DMD: variants seen among roughly 807,000 people sequenced by gnomAD.
DMD encodes the protein mutant dystrophin.
DMD carries 63 observed loss-of-function variants against 330.1 expected under a neutral mutation model. The observed-to-expected ratio is 0.19, with a 90% confidence interval of 0.16 to 0.24. The LOEUF is 0.24. DMD is among the 10% of genes least tolerant of loss of function. DMD has a pLI of 1.00. For synonymous variants in DMD, 1,223 were observed against 959.8 expected (o/e 1.27, Z -5.07); for missense variants, 3,344 against 2,684.1 (o/e 1.25, Z -5.43).
chrX:32,844,976 G>A (rs2080528139), intron 3 of DMD, 116 bp from the exon 4 acceptor site: 1 of 612,482 alleles, frequency 1.6e-6, no homozygotes, highest in Non-Finnish European at 2.7e-6. Flanking sequence ...AACAGAGCCT[G>A]TGAGGCATTA....
At chrX:32,704,383 G>T (rs1055798897) in intron 7 of DMD, among the ~76,000 whole-genome samples, 1 of 97,365 alleles carries the variant, frequency 1.0e-5, no homozygotes, top group South Asian at 3.7e-4. Flanking sequence ...AACTAATCTT[G>T]GGCAGTCAAC....
At chrX:31,633,353 C>T (rs779020328) in intron 54 of DMD, among the ~76,000 whole-genome samples, 13 of 111,739 alleles carry the variant, frequency 1.2e-4, no homozygotes, top group African/African-American at 4.2e-4. Context: ...GCTTTACACT[C>T]GATACAGATT....
intron 44 of DMD, among the ~76,000 whole-genome samples, chrX:32,103,813 T>C (rs188141901): frequency 1.2e-4 from 14 of 112,094 alleles, no homozygotes; most frequent in Admixed American, 1.2e-3. Context: ...ATTGATCTGG[T>C]TGCATCAGTT....
intron 57 of DMD, among the ~76,000 whole-genome samples, chrX:31,494,125 C>A (rs2069592120): frequency 9.9e-6 from 1 of 101,148 alleles, no homozygotes. Flanking sequence ...CATTGCAACT[C>A]CAGCCTGGTG....
At chrX:31,930,655 C>T (rs955615997) in intron 46 of DMD, among the ~76,000 whole-genome samples, 8 of 111,883 alleles carry the variant, frequency 7.2e-5, no homozygotes, top group Admixed American at 1.9e-4. Context: ...AATAGCTAGT[C>T]GTTACAAAAA....
chrX:31,198,786 T>C (rs2043158681), intron 67 of DMD, among the ~76,000 whole-genome samples: 1 of 112,080 alleles, frequency 8.9e-6, no homozygotes, highest in Non-Finnish European at 1.9e-5. Context: ...CTTCAGCACA[T>C]GACTGTATAG....
chrX:32,504,508 T>A (rs2044413173), intron 18 of DMD, among the ~76,000 whole-genome samples: 1 of 109,281 alleles, frequency 9.2e-6, no homozygotes, highest in Non-Finnish European at 1.9e-5. Context: ...GCACCTATAA[T>A]CCCAGCTACT....
intron 3 of DMD, among the ~76,000 whole-genome samples, chrX:32,845,782 T>TA (rs1223924419): frequency 8.9e-6 from 1 of 112,355 alleles, no homozygotes; most frequent in African/African-American, 3.2e-5. Context: ...CTGGCCTACA[T>TA]AAAAAATTTA....
chrX:32,837,404 G>A (rs2148936302), intron 4 of DMD, among the ~76,000 whole-genome samples: 1 of 111,485 alleles, frequency 9.0e-6, no homozygotes, highest in East Asian at 2.8e-4. Context: ...GCAATGATTT[G>A]AAACTAACAG....
At chrX:32,735,702 T>C (rs2068368575) in intron 7 of DMD, among the ~76,000 whole-genome samples, 1 of 112,024 alleles carries the variant, frequency 8.9e-6, no homozygotes, top group Non-Finnish European at 1.9e-5. Flanking sequence ...CTAGGAAAAC[T>C]GGCTAGCCAT....
chrX:31,437,854 T>C (rs1474203510), intron 60 of DMD, among the ~76,000 whole-genome samples: 3 of 107,292 alleles, frequency 2.8e-5, no homozygotes, highest in Non-Finnish European at 3.8e-5. Flanking sequence ...ATATATATCA[T>C]ATATATAACA....
chrX:32,456,953 A>G (rs1603633930), intron 25 of DMD, among the ~76,000 whole-genome samples: 1 of 48,398 alleles, frequency 2.1e-5, no homozygotes, highest in South Asian at 1.2e-3. Flanking sequence ...AAGGGTCCAG[A>G]TTGTTAAAAA....
chrX:31,530,647 C>CTTTTTTTTT (rs1192286078), intron 55 of DMD, among the ~76,000 whole-genome samples: 16 of 49,772 alleles, frequency 3.2e-4, no homozygotes, highest in East Asian at 1.4e-3. Flanking sequence ...ACTGGTTTCT[C>CTTTTTTTTT]TTTTTTTTTT....
At chrX:32,953,532 A>G (rs2091388782) in intron 2 of DMD, among the ~76,000 whole-genome samples, 1 of 112,217 alleles carries the variant, frequency 8.9e-6, no homozygotes, top group Non-Finnish European at 1.9e-5. Flanking sequence ...CATTGGCATC[A>G]AAGATTTTAA....
In DMD at chrX:31,824,609, T is replaced by C. The variant is rs963356229; in HGVS notation, c.7201-4526A>G. 4.3e-4 allele frequency among the ~76,000 whole-genome samples: 48 copies of C among 111,478 alleles called. No homozygotes were observed. In the East Asian group the frequency reaches 0.013, roughly 30 times the overall value. ...TAGAAAAGCTAAGAAACAAGATTTA[T>C]AGCACAATGTAGCTTTTATAAATTT... On this transcript the variant is annotated intron_variant, in intron 49 of 78. Transcript: ENST00000357033.
chrX:31,682,838 T>G (rs748561121), intron 52 of DMD, among the ~76,000 whole-genome samples: 19 of 112,449 alleles, frequency 1.7e-4, no homozygotes, highest in African/African-American at 5.8e-4. Flanking sequence ...TTGTACATCC[T>G]ACAGTTCATT....
At chrX:31,216,239 T>C (rs187524347) in intron 64 of DMD, among the ~76,000 whole-genome samples, 1 of 112,440 alleles carries the variant, frequency 8.9e-6, no homozygotes, top group African/African-American at 3.2e-5. Context: ...GCTGCCAAGG[T>C]TGATAGCTGG....
In DMD at chrX:31,932,130, G is replaced by A; in HGVS notation, c.6712C>T (p.Leu2238Phe). Residue 2238 changes from leucine to phenylalanine, a missense_variant, in exon 46 of 79, where the codon CTT becomes TTT. Coordinates refer to ENST00000357033, the MANE Select transcript of DMD (RefSeq NM_004006.3). ...EEADNIASIPLEPGKEQQLKE... is the reference protein window; with the variant it reads ...EEADNIASIPFEPGKEQQLKE... ...AGTTGCTGCTCTTTTCCAGGTTCAAGTGGGATACTAGCAATGTTATCTGCT... is the reference window on the plus strand; with the variant it reads ...AGTTGCTGCTCTTTTCCAGGTTCAAATGGGATACTAGCAATGTTATCTGCT... The A allele has an allele frequency of 1.7e-6, 2 of 1,208,721 alleles. No individual in the cohort carries two copies. The highest frequency in any genetic ancestry group is 2.2e-6 in the Non-Finnish European group (2 of 892,823).
intron 54 of DMD, among the ~76,000 whole-genome samples, chrX:31,649,618 G>A (rs1180908119): frequency 1.9e-5 from 2 of 107,110 alleles, no homozygotes; most frequent in African/African-American, 3.4e-5. Context: ...TTGCTCTGTC[G>A]CCCAGGCTGT....
Sources: allele counts gnomAD v4.1 joint callset (sites outside exome capture counted in the v4.1 genomes callset), GRCh38; gene constraint gnomAD v4.1.1; transcripts MANE v1.5; gene names NCBI Gene and HGNC (gene_info 2026-07-23, HGNC 2026-07-21).